Variants in PNKD observed in about 807,000 individuals in gnomAD.
PNKD encodes the protein probable thioesterase PNKD.
In PNKD, 36 loss-of-function variants were observed where a neutral mutation model predicts 45.3. The observed-to-expected ratio is 0.80, with a 90% CI of 0.61 to 1.05. PNKD has a LOEUF of 1.05. Among genes scored for constraint, PNKD ranks in the 50% least tolerant of loss-of-function variants. The probability of loss-of-function intolerance (pLI) is 0.00; values close to 1 mark genes in which losing one functional copy is unlikely to be tolerated. For synonymous variants in PNKD, 197 were observed against 210.1 expected, an observed-to-expected ratio of 0.94 and a Z score of 0.54; for missense variants, 511 against 506.6, an observed-to-expected ratio of 1.01 and a Z score of -0.08.
intron 2 of PNKD, among the ~76,000 whole-genome samples, chr2:218,317,236 A>C (rs1271619226): frequency 1.3e-5 from 2 of 152,218 alleles, no homozygotes; most frequent in African/African-American, 4.8e-5. Context: ...CACCTATGCG[A>C]AATGCACACT....
rs140036893 is a variant in PNKD at position 218,280,251 on chromosome 2, T to G, written c.236+8702T>G. On this transcript the variant is annotated intron_variant, in intron 2 of 9. Transcript: ENST00000273077. Reference sequence around the variant, plus strand: ...AAAAGACAAGTGTTATAACAGGAACTCTTCTCCCAAGCTGGGGTCTTCTAG... The same window carrying G: ...AAAAGACAAGTGTTATAACAGGAACGCTTCTCCCAAGCTGGGGTCTTCTAG... The G allele has an allele frequency of 1.5e-3, 1,053 of 716,368 alleles. 5 individuals are homozygous for G. Among genetic ancestry groups the G allele is most frequent in the South Asian group, 2.9e-3 (175 of 59,792 alleles). 44.4% of individuals were successfully genotyped at this position (716,368 alleles called of 1,614,324 possible).
In PNKD at chr2:218,344,956, T is replaced by C; in HGVS notation, c.1133T>C (p.Leu378Pro). The C allele has an allele frequency of 1.2e-6, 2 of 1,613,806 alleles. No homozygotes were observed. The highest frequency in any genetic ancestry group is 1.7e-6 in the Non-Finnish European group (2 of 1,179,924). ...RAQLLEELRRLKDMHKSK is the reference protein window; with the variant it reads ...RAQLLEELRRPKDMHKSK ...CAGCTCCTGGAAGAGCTCCGCCGGC[T>C]GAAGGATATGCACAAGAGCAAGTGA... is the stretch of plus-strand genomic sequence containing the variant. The change falls in exon 10 of 10, where the codon CTG (leucine) becomes CCG (proline). Residue 378 changes from leucine (L) to proline (P), a missense_variant. Coordinates refer to ENST00000273077, the MANE Select transcript of PNKD (RefSeq NM_015488.5).
intron 2 of PNKD, chr2:218,277,751 C>G: frequency 6.3e-7 from 1 of 1,589,350 alleles, no homozygotes; most frequent in East Asian, 2.2e-5. Context: ...ATGGTGGCCT[C>G]TGCCAGAGCT....
intron 2 of PNKD, among the ~76,000 whole-genome samples, chr2:218,311,331 A>T (rs968873934): frequency 6.6e-6 from 1 of 152,206 alleles, no homozygotes; most frequent in Non-Finnish European, 1.5e-5. Flanking sequence ...AGACACAGAG[A>T]CAAAGTATAG....
In PNKD at chr2:218,339,939, C is replaced by T. The variant is rs761235497; in HGVS notation, c.352+41C>T. 66 of 1,379,172 alleles carry T rather than the reference C, an allele frequency of 4.8e-5. No individual in the cohort carries two copies. In the South Asian group the frequency reaches 7.5e-4, roughly 16 times the overall value. 85.4% of individuals were successfully genotyped at this position (1,379,172 alleles called of 1,614,324 possible). ...CCCGGCCAGCATCCCCCATTCTGTG[C>T]CCCCACCCTCCCCGCCTGCTCCCCT... On this transcript the variant is annotated intron_variant, in intron 3 of 9. Coordinates refer to ENST00000273077, the MANE Select transcript of PNKD (RefSeq NM_015488.5).
intron 8 of PNKD, 128 bp downstream of exon 8, chr2:218,343,714 C>T: frequency 1.4e-6 from 1 of 721,706 alleles, no homozygotes; most frequent in African/African-American, 1.7e-5. Flanking sequence ...GACACAGCTC[C>T]ACCTCTAGGG....
intron 2 of PNKD, among the ~76,000 whole-genome samples, chr2:218,337,805 C>G (rs970075449): frequency 3.9e-5 from 6 of 152,174 alleles, no homozygotes; most frequent in African/African-American, 1.2e-4. Flanking sequence ...GCATGTCCCA[C>G]TGTCCTATCA....
At chr2:218,318,901 T>G (rs1457087008) in intron 2 of PNKD, among the ~76,000 whole-genome samples, 1 of 151,824 alleles carries the variant, frequency 6.6e-6, no homozygotes, top group Admixed American at 6.6e-5. Flanking sequence ...TTTAATTTGA[T>G]GTATACTTTA....
Position 218,345,235 on chromosome 2 carries a change from G to A in PNKD, c.*254G>A, listed in dbSNP as rs1005705040. 27 of 536,392 alleles carry A rather than the reference G, an allele frequency of 5.0e-5. No individual in the cohort carries two copies. The highest frequency in any genetic ancestry group is 7.6e-5 in the African/African-American group (4 of 52,662). 33.2% of individuals were successfully genotyped at this position (536,392 alleles called of 1,614,324 possible). A position where few individuals can be genotyped will look rare whatever the true frequency, so the allele number is the denominator to read the frequency against. On this transcript the variant is annotated 3_prime_UTR_variant, in exon 10 of 10. Coordinates refer to ENST00000273077, the MANE Select transcript of PNKD (RefSeq NM_015488.5). ...ACGGCAAGAGGAAAGGAGGGGTCTC[G>A]GGACATCTCCAGACCCTACCAACTG... is the stretch of plus-strand genomic sequence containing the variant.
chr2:218,326,018 A>T lies in PNKD; in HGVS notation c.237-13765A>T, dbSNP rs1574704154. Among the ~76,000 whole-genome samples the T allele has an allele frequency of 6.6e-6, 1 of 151,304 alleles. No homozygotes were observed. The highest frequency in any genetic ancestry group is 2.1e-4 in the South Asian group (1 of 4,744). On this transcript the variant is annotated intron_variant, in intron 2 of 9. Transcript: ENST00000273077. This position sits in a 1 kb window ranked among gnomAD's most constrained non-coding sequence, Gnocchi z 4.1. ...TATTTGCAGGAAACTGTAGGGGGGA[A>T]ATGGGCAGGTGTTGGTGCTAGGGGT...
intron 2 of PNKD, among the ~76,000 whole-genome samples, chr2:218,324,472 T>C (rs1445987705): frequency 2.6e-5 from 4 of 152,162 alleles, no homozygotes; most frequent in African/African-American, 9.7e-5. Flanking sequence ...AATGCAGATA[T>C]AAAGGCAGGA....
Position 218,275,740 on chromosome 2 carries a change from G to A in PNKD, c.236+4191G>A, listed in dbSNP as rs553120470. On this transcript the variant is annotated intron_variant, in intron 2 of 9. Transcript: ENST00000273077. ...ACACAGTGCTTAGGGCCACATTAACGCACAGCATAACATATGGGCTCTATA... is the reference window on the plus strand; with the variant it reads ...ACACAGTGCTTAGGGCCACATTAACACACAGCATAACATATGGGCTCTATA... 61 of 1,249,616 alleles carry A rather than the reference G, an allele frequency of 4.9e-5. No homozygotes were observed. In the African/African-American group the frequency reaches 6.7e-4, roughly 14 times the overall value. 77.4% of individuals were successfully genotyped at this position (1,249,616 alleles called of 1,614,324 possible). A position where few individuals can be genotyped will look rare whatever the true frequency, so the allele number is the denominator to read the frequency against.
intron 2 of PNKD, among the ~76,000 whole-genome samples, chr2:218,331,505 C>G (rs1694318114): frequency 6.6e-6 from 1 of 151,894 alleles, no homozygotes. Flanking sequence ...GAGTCTTGCT[C>G]TGTCACCCAG....
At position 218,343,611 on chromosome 2, in the gene PNKD, C is replaced by T. The variant is rs1247126134; in HGVS notation, c.868+25C>T. ...GGTGAGACACCCCCTTACTACTCCC[C>T]ATCCTCCAGCCCCACGCTCAGCCTG... On this transcript the variant is annotated intron_variant, in intron 8 of 9. Coordinates refer to ENST00000273077, the MANE Select transcript of PNKD (RefSeq NM_015488.5). 8 of 1,555,280 alleles carry T rather than the reference C, an allele frequency of 5.1e-6. No homozygotes were observed. In the African/African-American group the frequency reaches 6.8e-5, roughly 13 times the overall value.
At chr2:218,290,920 A>G (rs1163044468) in intron 2 of PNKD, among the ~76,000 whole-genome samples, 4 of 152,326 alleles carry the variant, frequency 2.6e-5, no homozygotes, top group Non-Finnish European at 4.4e-5. Flanking sequence ...TTCTTCCCAG[A>G]GAATTGTATG....
At position 218,344,843 on chromosome 2, in the gene PNKD, C is replaced by G; in HGVS notation, c.1020C>G (p.Asn340Lys). 6.2e-7 allele frequency: 1 copy of G among 1,614,008 alleles called. No homozygotes were observed. The highest frequency in any genetic ancestry group is 8.5e-7 in the Non-Finnish European group (1 of 1,179,866). The change falls in exon 10 of 10, where the codon AAC becomes AAG. Residue 340 changes from asparagine (N) to lysine (K), a missense_variant. Asn to Lys is a moderately conservative substitution (Grantham distance 94). Transcript: ENST00000273077. ...PSTLGEERSY[N>K]PFLRTHCLAL... ...CCCTGGGAGAGGAGCGCTCCTACAA[C>G]CCGTTCCTGAGAACCCACTGCCTGG...
rs566510644 is a variant in PNKD, at chr2:218,345,081, G to A, written c.*100G>A. ...CATCGCTAACACCACCACCTCCATC[G>A]GCACCCAAGCGGGCATCATCCCCCC... is the stretch of plus-strand genomic sequence containing the variant. On this transcript the variant is annotated 3_prime_UTR_variant, in exon 10 of 10. Transcript: ENST00000273077. The A allele has an allele frequency of 1.6e-5, 14 of 902,736 alleles. No homozygotes were observed. The highest frequency in any genetic ancestry group is 3.3e-5 in the South Asian group (2 of 61,446). The allele number at this position is 902,736 out of a possible 1,614,324, so 55.9% of individuals were successfully genotyped here.
At chr2:218,315,145 CTTCT>C (rs1348069787) in intron 2 of PNKD, among the ~76,000 whole-genome samples, 5 of 110,792 alleles carry the variant, frequency 4.5e-5, no homozygotes, top group Non-Finnish European at 9.3e-5. Context: ...TTCTTTCTTT[CTTCT>C]TTCTTTCTTT....
At chr2:218,325,566 C>G (rs1409618137) in intron 2 of PNKD, among the ~76,000 whole-genome samples, 2 of 152,070 alleles carry the variant, frequency 1.3e-5, no homozygotes, top group African/African-American at 2.4e-5. Context: ...AATTTTACAG[C>G]CTTATCTGGG....
Sources: allele counts gnomAD v4.1 joint callset (sites outside exome capture counted in the v4.1 genomes callset), GRCh38; gene constraint gnomAD v4.1.1; non-coding constraint Gnocchi (gnomAD v3.1); transcripts MANE v1.5; gene names NCBI Gene and HGNC (gene_info 2026-07-23, HGNC 2026-07-21).